Variants in KDM2B observed in about 807,000 individuals in gnomAD.
KDM2B encodes lysine demethylase 2B, also known as lysine-specific demethylase 2B.
KDM2B carries 26 observed loss-of-function variants against 150.0 expected under a neutral mutation model. The ratio of observed to expected loss-of-function variants is 0.17; its 90% CI spans 0.13 to 0.24. KDM2B has a LOEUF of 0.24. KDM2B is among the 10% of genes least tolerant of loss of function. The pLI is 1.00. For synonymous variants in KDM2B, 734 were observed against 729.5 expected (o/e 1.01, Z -0.10); for missense variants, 1,265 against 1,816.9 (o/e 0.70, Z 5.52).
chr12:121,474,756 C>A (rs1055854512), intron 12 of KDM2B, among the ~76,000 whole-genome samples: 10 of 152,060 alleles, frequency 6.6e-5, no homozygotes, highest in African/African-American at 2.4e-4. Context: ...AGTTGGAGAC[C>A]AACCTGGCAA....
At chr12:121,524,388 G>T (rs985429541) in intron 8 of KDM2B, among the ~76,000 whole-genome samples, 1 of 152,240 alleles carries the variant, frequency 6.6e-6, no homozygotes, top group African/African-American at 2.4e-5. Flanking sequence ...CAACGCACCT[G>T]ACTTACATCT....
chr12:121,527,343 C>T, intron 8 of KDM2B, among the ~76,000 whole-genome samples: 1 of 65,222 alleles, frequency 1.5e-5, no homozygotes. Flanking sequence ...CCACTGTGCC[C>T]AGCCTAAAAA....
At chr12:121,500,527 T>C (rs547086759) in intron 11 of KDM2B, among the ~76,000 whole-genome samples, 1 of 152,226 alleles carries the variant, frequency 6.6e-6, no homozygotes, top group Non-Finnish European at 1.5e-5. Flanking sequence ...AGGCTGGGGC[T>C]TTAATAATCA....
At chr12:121,566,621 AAAAT>A (rs1299174150) in intron 4 of KDM2B, among the ~76,000 whole-genome samples, 5 of 151,300 alleles carry the variant, frequency 3.3e-5, no homozygotes, top group South Asian at 2.1e-4. Flanking sequence ...TTCTGTCTCA[AAAAT>A]AAATAAATAA....
Position 121,513,717 on chromosome 12 carries a change from G to A in KDM2B, c.1048-315C>T, listed in dbSNP as rs1555304436. ...AACAGAATTCTCCCCTGACCTGCCT[G>A]CAGAGAGTGTGGGCACCTGCAGGTG... is the stretch of plus-strand genomic sequence containing the variant. On this transcript the variant is annotated intron_variant, in intron 9 of 22. Coordinates refer to ENST00000377071, the MANE Select transcript of KDM2B (RefSeq NM_032590.5). The surrounding 1 kb of genome is among the most constrained non-coding windows in gnomAD (Gnocchi z 5.0). Among the ~76,000 whole-genome samples, 1 of 152,140 alleles carries A rather than the reference G, an allele frequency of 6.6e-6. No homozygotes were observed. The highest frequency in any genetic ancestry group is 2.4e-5 in the African/African-American group (1 of 41,424).
At position 121,487,793 on chromosome 12, in the gene KDM2B, C is replaced by CTT. The variant is rs1248100789; in HGVS notation, c.1734+6784_1734+6785dup. On this transcript the variant is annotated intron_variant, in intron 12 of 22. Transcript: ENST00000377071. Reference sequence around the variant, plus strand: ...GGAAGAGATAAAGGAGAAGCAGCTTCTTTTTTTTTTTTTTTTTTGAGACAG... The same window carrying CTT: ...GGAAGAGATAAAGGAGAAGCAGCTTCTTTTTTTTTTTTTTTTTTTTGAGACAG... Among the ~76,000 whole-genome samples the CTT allele has an allele frequency of 8.8e-5, 12 of 135,758 alleles. No homozygotes were observed. In the East Asian group the frequency reaches 1.3e-3, roughly 15 times the overall value. The allele number at this position is 135,758 out of a possible 152,430, so 89.1% of individuals were successfully genotyped here.
At chr12:121,427,717 G>T (rs1872577429), downstream of KDM2B, among the ~76,000 whole-genome samples, 1 of 132,560 alleles carries the variant, frequency 7.5e-6, no homozygotes, top group Non-Finnish European at 1.7e-5. Context: ...GTGGTGGCTT[G>T]GATCCCCAGC....
intron 4 of KDM2B, among the ~76,000 whole-genome samples, chr12:121,558,783 G>A (rs1428243836): frequency 6.6e-6 from 1 of 152,038 alleles, no homozygotes; most frequent in Non-Finnish European, 1.5e-5. Flanking sequence ...TAGAGATGGG[G>A]TTTAGCCATG....
chr12:121,561,248 C>T (rs910995082), intron 4 of KDM2B, among the ~76,000 whole-genome samples: 5 of 152,122 alleles, frequency 3.3e-5, no homozygotes, highest in African/African-American at 7.2e-5. Context: ...TACACGGGCG[C>T]GACCCCAAAC....
intron 12 of KDM2B, among the ~76,000 whole-genome samples, chr12:121,493,155 C>G (rs890964371): frequency 6.7e-6 from 1 of 149,826 alleles, no homozygotes; most frequent in Non-Finnish European, 1.5e-5. Context: ...TGATCCTCCC[C>G]CCTCAGCTTC....
chr12:121,524,743 G>T (rs1886990414), intron 8 of KDM2B: 1 of 440,450 alleles, frequency 2.3e-6, no homozygotes, highest in Non-Finnish European at 4.5e-6. Flanking sequence ...TGCTGCCTGG[G>T]CTGGGAACGC....
chr12:121,464,635 C>T (rs1261631213), intron 12 of KDM2B, among the ~76,000 whole-genome samples: 1 of 152,220 alleles, frequency 6.6e-6, no homozygotes, highest in Non-Finnish European at 1.5e-5. Flanking sequence ...CAGAGATGGA[C>T]GGGGCAGCAG....
the KDM2B span, among the ~76,000 whole-genome samples, chr12:121,408,601 A>C: frequency 4.6e-5 from 7 of 152,164 alleles, no homozygotes; most frequent in African/African-American, 1.7e-4. Context: ...ATGCAGAATA[A>C]ATTTCTGAAA....
At chr12:121,486,202 G>A (rs1183369994) in intron 12 of KDM2B, among the ~76,000 whole-genome samples, 3 of 151,080 alleles carry the variant, frequency 2.0e-5, no homozygotes, top group Non-Finnish European at 2.9e-5. Context: ...TCCACCTCCC[G>A]GGTTCAAGCT....
chr12:121,545,369 C>A, intron 6 of KDM2B, among the ~76,000 whole-genome samples: 1 of 150,434 alleles, frequency 6.6e-6, no homozygotes, highest in South Asian at 2.1e-4. Context: ...AGTGTGTGCA[C>A]AGTGACAGAC....
intron 21 of KDM2B, 93 bp from the exon 22 acceptor site, chr12:121,440,168 C>G (rs1418055177): frequency 3.7e-6 from 3 of 820,522 alleles, no homozygotes; most frequent in Non-Finnish European, 5.8e-6. Context: ...ACCAGCCAGA[C>G]AGAACACTCA....
At position 121,479,621 on chromosome 12, in the gene KDM2B, T is replaced by C. The variant is rs1043499184; in HGVS notation, c.1734+14958A>G. 2.6e-5 allele frequency among the ~76,000 whole-genome samples: 4 copies of C among 151,974 alleles called. 1 individual carries two copies. Among genetic ancestry groups the C allele is most frequent in the Admixed American group, 2.6e-4 (4 of 15,246 alleles). The stretch of plus-strand genomic sequence containing the variant: ...GCGACAAACTGTGACTCCATTTTTC[T>C]CTCTCTCTCCTTTTTTTTGAGACGG... On this transcript the variant is annotated intron_variant, in intron 12 of 22. Coordinates refer to ENST00000377071, the MANE Select transcript of KDM2B (RefSeq NM_032590.5).
intron 4 of KDM2B, among the ~76,000 whole-genome samples, chr12:121,569,032 A>G (rs1395266813): frequency 1.3e-5 from 2 of 152,202 alleles, no homozygotes; most frequent in Non-Finnish European, 2.9e-5. Context: ...TGCAGTGCCC[A>G]GGGCAAGGTA....
At chr12:121,516,991 C>G (rs1461242167) in intron 9 of KDM2B, 1 of 588,128 alleles carries the variant, frequency 1.7e-6, no homozygotes, top group African/African-American at 1.9e-5. Context: ...TGGGGCATGT[C>G]GGCATTACCT....
Sources: allele counts gnomAD v4.1 joint callset (sites outside exome capture counted in the v4.1 genomes callset), GRCh38; gene constraint gnomAD v4.1.1; non-coding constraint Gnocchi (gnomAD v3.1); transcripts MANE v1.5; gene names NCBI Gene and HGNC (gene_info 2026-07-23, HGNC 2026-07-21).